Variants in DZIP3 observed in about 807,000 individuals in gnomAD.
DZIP3 encodes E3 ubiquitin-protein ligase DZIP3.
DZIP3 carries 118 observed loss-of-function variants against 162.0 expected under a neutral mutation model. That is an observed-to-expected ratio of 0.73 (90% CI 0.63 to 0.85). The LOEUF is 0.85. DZIP3 is among the 40% of genes least tolerant of loss of function. DZIP3 has a pLI of 0.00. For synonymous variants in DZIP3, 438 were observed against 458.6 expected (o/e 0.96, Z 0.57); for missense variants, 1,331 against 1,407.0 (o/e 0.95, Z 0.86).
In DZIP3 at chr3:108,608,133, A is replaced by G. The variant is rs1036076004; in HGVS notation, c.77A>G (p.Lys26Arg). Residue 26 changes from lysine to arginine, a missense_variant, in exon 3 of 33, where the codon AAG becomes AGG. By Grantham distance (26) the Lys-to-Arg change is conservative. Around this residue, in one of 2 missense-constraint regions of DZIP3, gnomAD observed 1,278 missense variants for 1,317.1 expected, o/e 0.97. Transcript: ENST00000361582. The stretch of plus-strand genomic sequence containing the variant: ...CAGAGGAAGGAAGAAACTGAGAATA[A>G]GCTAGAAAAATCATCTGGTCAACTG... Reference protein sequence around the residue: ...EDQRKEETENKLEKSSGQLNK... With the variant: ...EDQRKEETENRLEKSSGQLNK... 6.2e-7 allele frequency: 1 copy of G among 1,613,038 alleles called. No homozygotes were observed. Among genetic ancestry groups the G allele is most frequent in the African/African-American group, 1.3e-5 (1 of 74,892 alleles).
At position 108,592,550 on chromosome 3, in the gene DZIP3, A is replaced by G. The variant is rs1005049143; in HGVS notation, c.-73+2711A>G. On this transcript the variant is annotated intron_variant, in intron 1 of 32. Coordinates refer to ENST00000361582, the MANE Select transcript of DZIP3 (RefSeq NM_014648.4). ...CTCTACTAAAAATACAGAAAATTAG[A>G]TGGGTGTGGGTGGTGCATGCCTGTA... is the stretch of plus-strand genomic sequence containing the variant. Among the ~76,000 whole-genome samples the G allele has an allele frequency of 9.2e-5, 14 of 151,638 alleles. No homozygotes were observed. The East Asian group carries it at 2.3e-3, about 25-fold the overall frequency.
intron 18 of DZIP3, among the ~76,000 whole-genome samples, chr3:108,653,495 T>TTGTG (rs1306534707): frequency 2.2e-4 from 22 of 99,176 alleles, no homozygotes; most frequent in Non-Finnish European, 2.9e-4. Context: ...TTAATTGCCA[T>TTGTG]TGTGTGTGTG....
chr3:108,638,463 C>T (rs890681260), intron 12 of DZIP3, among the ~76,000 whole-genome samples: 3 of 151,988 alleles, frequency 2.0e-5, no homozygotes, highest in African/African-American at 4.8e-5. Flanking sequence ...CTACAGGTAC[C>T]TGCCACCATG....
chr3:108,663,278 C>T (rs868734230), intron 21 of DZIP3, among the ~76,000 whole-genome samples: 14 of 152,208 alleles, frequency 9.2e-5, no homozygotes, highest in Middle Eastern at 6.8e-3. Context: ...TACTTTAGGC[C>T]GGATGCGGTG....
At position 108,674,052 on chromosome 3, in the gene DZIP3, T is replaced by C. The variant is rs1349960079; in HGVS notation, c.2590-26T>C. 3.2e-6 allele frequency: 5 copies of C among 1,550,260 alleles called. No homozygotes were observed. The South Asian group carries it at 4.5e-5, about 14-fold the overall frequency. On this transcript the variant is annotated intron_variant, in intron 23 of 32. Coordinates refer to ENST00000361582, the MANE Select transcript of DZIP3 (RefSeq NM_014648.4). The stretch of plus-strand genomic sequence containing the variant: ...CCTTTACAAGCACACCTTCAACTTC[T>C]TTCTCTTTCTCTCAAAAACCTGTAG...
chr3:108,654,026 A>T, intron 18 of DZIP3, 119 bp from the exon 19 acceptor site: 2 of 1,049,952 alleles, frequency 1.9e-6, no homozygotes, highest in Admixed American at 2.5e-5. Context: ...TTTGATCATG[A>T]ACCCTTCTAA....
rs79382578 is a variant in DZIP3, at chr3:108,686,015, G to C, written c.3010-430G>C. Among the ~76,000 whole-genome samples the C allele has an allele frequency of 3.1e-3, 477 of 152,158 alleles. 6 individuals carry two copies. Among genetic ancestry groups the C allele is most frequent in the African/African-American group, 0.01 (425 of 41,502 alleles). On this transcript the variant is annotated intron_variant, in intron 27 of 32. Transcript: ENST00000361582. The stretch of plus-strand genomic sequence containing the variant: ...AGTTCTATTTTTAAAAACTTGATTA[G>C]ATGTGCCATAATTTATTCATTTCTC...
chr3:108,673,303 C>G (rs944976755), intron 23 of DZIP3, among the ~76,000 whole-genome samples: 3 of 151,940 alleles, frequency 2.0e-5, no homozygotes, highest in African/African-American at 7.2e-5. Context: ...TGGAAGTCAG[C>G]AACCAAGAAG....
chr3:108,648,548 GT>G (rs1335810304), intron 16 of DZIP3: 1 of 165,302 alleles, frequency 6.0e-6, no homozygotes, highest in African/African-American at 2.4e-5. Context: ...AGTGGTAACA[GT>G]TATTATATAG....
intron 32 of DZIP3, among the ~76,000 whole-genome samples, chr3:108,693,100 CAA>C (rs1944762555): frequency 1.3e-5 from 2 of 150,964 alleles, no homozygotes; most frequent in Admixed American, 1.3e-4. Context: ...CCAGTTATGT[CAA>C]GAGATTTTTT....
intron 15 of DZIP3, 69 bp from the exon 16 acceptor site, chr3:108,647,874 A>G: frequency 7.5e-7 from 1 of 1,328,188 alleles, no homozygotes; most frequent in Non-Finnish European, 1.0e-6. Flanking sequence ...TTGGGCAAAC[A>G]TTATAACATT....
At chr3:108,681,782 G>T (rs1944320576) in intron 26 of DZIP3, among the ~76,000 whole-genome samples, 1 of 144,394 alleles carries the variant, frequency 6.9e-6, no homozygotes, top group South Asian at 2.1e-4. Context: ...CCTTTGCAGG[G>T]ACATGGATGA....
rs117142133 is a variant in DZIP3 at position 108,592,995 on chromosome 3, G to A, written c.-73+3156G>A. On this transcript the variant is annotated intron_variant, in intron 1 of 32. Coordinates refer to ENST00000361582, the MANE Select transcript of DZIP3 (RefSeq NM_014648.4). ...ACATAATTTAATGAGAATGAACAGT[G>A]TTTTAACACAGTATAATTTGTGCTA... Among the ~76,000 whole-genome samples the A allele has an allele frequency of 9.9e-5, 15 of 152,092 alleles. No homozygotes were observed. In the East Asian group the frequency reaches 2.9e-3, roughly 30 times the overall value.
At chr3:108,635,191 C>T (rs1269093112) in intron 10 of DZIP3, among the ~76,000 whole-genome samples, 1 of 151,830 alleles carries the variant, frequency 6.6e-6, no homozygotes, top group Non-Finnish European at 1.5e-5. Flanking sequence ...TATTAAACAG[C>T]TCTTTGTAGG....
chr3:108,626,098 C>A, intron 7 of DZIP3, 129 bp downstream of exon 7: 1 of 1,063,384 alleles, frequency 9.4e-7, no homozygotes, highest in East Asian at 2.7e-5. Flanking sequence ...TCTTCTTTGC[C>A]TATTTGTATA....
chr3:108,646,684 T>C (rs1435872167), intron 15 of DZIP3, 35 bp downstream of exon 15: 1 of 1,427,650 alleles, frequency 7.0e-7, no homozygotes, highest in East Asian at 2.5e-5. Flanking sequence ...TGTAAATGAC[T>C]TTTTAACAAG....
chr3:108,692,127 A>G (rs981988543), intron 32 of DZIP3, among the ~76,000 whole-genome samples: 5 of 152,110 alleles, frequency 3.3e-5, no homozygotes, highest in Non-Finnish European at 5.9e-5. Context: ...TTTCTCCCCT[A>G]CAAAGGCCAA....
At chr3:108,603,935 G>A (rs888698845) in intron 1 of DZIP3, among the ~76,000 whole-genome samples, 8 of 152,054 alleles carry the variant, frequency 5.3e-5, no homozygotes, top group African/African-American at 1.9e-4. Flanking sequence ...TGTTTTAGAT[G>A]GGTTCAGGTT....
intron 1 of DZIP3, 98 bp from the exon 2 acceptor site, chr3:108,605,237 C>A (rs1940271123): frequency 2.4e-6 from 2 of 832,922 alleles, no homozygotes; most frequent in Non-Finnish European, 3.8e-6. Flanking sequence ...TCTTTTAGAG[C>A]AGTTTCAGAT....
Sources: allele counts gnomAD v4.1 joint callset (sites outside exome capture counted in the v4.1 genomes callset), GRCh38; gene constraint gnomAD v4.1.1; regional missense constraint gnomAD v4.1.1; transcripts MANE v1.5; gene names NCBI Gene and HGNC (gene_info 2026-07-23, HGNC 2026-07-21).